The following RAD51B variants were observed in gnomAD, a reference collection of about 807,000 sequenced individuals.
RAD51B encodes the protein RAD51 paralog B.
RAD51B carries 38 observed loss-of-function variants against 42.2 expected under a neutral mutation model. The ratio of observed to expected loss-of-function variants is 0.90; its 90% CI spans 0.70 to 1.18. The LOEUF (loss-of-function observed/expected upper bound fraction) is 1.18. Among genes scored for constraint, RAD51B ranks in the 50% most tolerant of loss-of-function variants. The probability of loss-of-function intolerance (pLI) is 0.00; values close to 1 mark genes in which losing one functional copy is unlikely to be tolerated. For missense variants in RAD51B, 373 were observed against 400.7 expected, an observed-to-expected ratio of 0.93 and a Z score of 0.59; for synonymous variants, 154 against 145.2, an observed-to-expected ratio of 1.06 and a Z score of -0.43.
intron 10 of RAD51B, among the ~76,000 whole-genome samples, chr14:68,575,218 A>G (rs778113272): frequency 1.3e-5 from 2 of 152,198 alleles, no homozygotes; most frequent in Non-Finnish European, 2.9e-5. Flanking sequence ...CCTAGAGGAT[A>G]TGGAGTTTAT....
intron 10 of RAD51B, among the ~76,000 whole-genome samples, chr14:68,648,020 T>TACAC (rs1555434101): frequency 1.1e-5 from 1 of 91,204 alleles, no homozygotes; most frequent in Non-Finnish European, 2.2e-5. Flanking sequence ...TATATATATA[T>TACAC]ACGTATATAT....
chr14:67,910,725 C>A (rs957053783), intron 7 of RAD51B, among the ~76,000 whole-genome samples: 5 of 151,848 alleles, frequency 3.3e-5, no homozygotes, highest in Admixed American at 2.0e-4. Context: ...TTATATTGTG[C>A]ATCGTTCTGA....
intron 8 of RAD51B, among the ~76,000 whole-genome samples, chr14:68,308,784 T>C (rs2139718315): frequency 6.6e-6 from 1 of 151,200 alleles, no homozygotes; most frequent in South Asian, 2.1e-4. Context: ...GAAAAGAGAC[T>C]GTTTAGCTTT....
chr14:68,250,951 T>TA (rs2080616756), intron 7 of RAD51B, among the ~76,000 whole-genome samples: 1 of 152,184 alleles, frequency 6.6e-6, no homozygotes, highest in Non-Finnish European at 1.5e-5. Flanking sequence ...GTTTTCAGTG[T>TA]AAAAAAGCAA....
intron 7 of RAD51B, among the ~76,000 whole-genome samples, chr14:68,232,404 C>G (rs2080166578): frequency 6.6e-6 from 1 of 152,158 alleles, no homozygotes; most frequent in Non-Finnish European, 1.5e-5. Context: ...GGTGCTATAT[C>G]CCCCAGGTGC....
intron 10 of RAD51B, among the ~76,000 whole-genome samples, chr14:68,533,567 T>C (rs144703783): frequency 0.011 from 1,737 of 152,306 alleles, 19 homozygotes; most frequent in Non-Finnish European, 0.016. Flanking sequence ...GTTGTACAGA[T>C]GTCACAGTGG....
intron 8 of RAD51B, among the ~76,000 whole-genome samples, chr14:68,356,645 G>A (rs974533971): frequency 2.0e-5 from 3 of 152,200 alleles, no homozygotes; most frequent in Admixed American, 1.3e-4. Flanking sequence ...GACTGTTCAG[G>A]GGGTGGTTGC....
intron 5 of RAD51B, 23 bp downstream of exon 5, chr14:67,865,162 A>T (rs1411758432): frequency 1.9e-6 from 3 of 1,574,590 alleles, no homozygotes; most frequent in Admixed American, 3.6e-5. Flanking sequence ...ATTTTCTATT[A>T]TAATGTTTTA....
intron 7 of RAD51B, among the ~76,000 whole-genome samples, chr14:68,194,687 A>G (rs1380846715): frequency 6.6e-6 from 1 of 152,204 alleles, no homozygotes; most frequent in Non-Finnish European, 1.5e-5. Flanking sequence ...GAACTTTTTG[A>G]GTCTTTTGCA....
intron 5 of RAD51B, among the ~76,000 whole-genome samples, chr14:67,879,956 G>A (rs1020480351): frequency 1.3e-5 from 2 of 152,118 alleles, no homozygotes; most frequent in Non-Finnish European, 2.9e-5. Context: ...TTTTTCTACA[G>A]TTACATTAAA....
chr14:68,603,776 G>A lies in RAD51B; in HGVS notation c.1037-7230G>A, dbSNP rs117023024. Among the ~76,000 whole-genome samples, 217 of 152,322 alleles carry A rather than the reference G, an allele frequency of 1.4e-3. 6 individuals are homozygous for A. In the East Asian group the frequency reaches 0.038, roughly 26 times the overall value. Reference sequence around the variant, plus strand: ...AAAGACAGAGAGGGAGCCTGCACACGCCGCGTCTCGCCTTGGGCCGCTCCT... The same window carrying A: ...AAAGACAGAGAGGGAGCCTGCACACACCGCGTCTCGCCTTGGGCCGCTCCT... On this transcript the variant is annotated intron_variant, in intron 10 of 10. Transcript: ENST00000487861.
intron 7 of RAD51B, among the ~76,000 whole-genome samples, chr14:68,255,701 C>T (rs185309065): frequency 4.7e-4 from 72 of 152,310 alleles, no homozygotes; most frequent in Non-Finnish European, 8.7e-4. Context: ...CATGATCTCA[C>T]CTATCTGCTG....
chr14:67,887,242 CTTTT>C (rs1257693661), intron 7 of RAD51B, 38 bp downstream of exon 7: 12 of 1,482,062 alleles, frequency 8.1e-6, no homozygotes, highest in Non-Finnish European at 1.1e-5. Context: ...CTTTTCCTTT[CTTTT>C]GTTTCTTTTA....
At chr14:68,163,090 A>G (rs1256908468) in intron 7 of RAD51B, among the ~76,000 whole-genome samples, 2 of 152,238 alleles carry the variant, frequency 1.3e-5, no homozygotes, top group African/African-American at 4.8e-5. Flanking sequence ...GAATGAATCC[A>G]GGGAAAGCTG....
At chr14:68,436,657 G>T (rs2085156021) in intron 9 of RAD51B, among the ~76,000 whole-genome samples, 1 of 152,116 alleles carries the variant, frequency 6.6e-6, no homozygotes, top group African/African-American at 2.4e-5. Context: ...CATGAACATG[G>T]AATGTGTTTT....
At chr14:68,051,512 T>G (rs11847621) in intron 7 of RAD51B, among the ~76,000 whole-genome samples, 4,529 of 152,244 alleles carry the variant, frequency 0.03, 236 homozygotes, top group African/African-American at 0.1. Context: ...GAAGTGAAAT[T>G]GCTAGGTGAA....
At chr14:67,967,790 G>A (rs1415596861) in intron 7 of RAD51B, among the ~76,000 whole-genome samples, 3 of 152,210 alleles carry the variant, frequency 2.0e-5, no homozygotes, top group Non-Finnish European at 4.4e-5. Context: ...GAAGGTGCAA[G>A]CTGTCGGTGG....
chr14:68,580,389 G>A (rs1890160156), intron 10 of RAD51B, among the ~76,000 whole-genome samples: 1 of 152,142 alleles, frequency 6.6e-6, no homozygotes, highest in Admixed American at 6.5e-5. Flanking sequence ...GACCTTGGAG[G>A]AGGCCTGTCC....
chr14:68,522,191 CT>C (rs1474470136), intron 10 of RAD51B, among the ~76,000 whole-genome samples: 1 of 152,196 alleles, frequency 6.6e-6, no homozygotes, highest in Non-Finnish European at 1.5e-5. Flanking sequence ...TGTTCTGGTT[CT>C]CTGAGATAGC....
Sources: gnomAD v4.1 joint callset for allele counts (sites outside exome capture counted in the v4.1 genomes callset) on GRCh38, gnomAD v4.1.1 for gene constraint, MANE v1.5 for transcripts, NCBI Gene and HGNC (gene_info 2026-07-23, HGNC 2026-07-21) for gene names.